Variants in GPATCH8 observed in about 807,000 individuals in gnomAD.
The protein encoded by GPATCH8 is G-patch domain containing 8.
In GPATCH8, 18 loss-of-function variants were observed where a neutral mutation model predicts 118.3. The ratio of observed to expected loss-of-function variants is 0.15; its 90% CI spans 0.11 to 0.23. The LOEUF (loss-of-function observed/expected upper bound fraction) is 0.23. Among genes scored for constraint, GPATCH8 ranks in the 10% least tolerant of loss-of-function variants. The pLI, the probability that GPATCH8 is intolerant of heterozygous loss-of-function variation, is 1.00. For missense variants in GPATCH8, 1,631 were observed against 1,873.8 expected (o/e 0.87, Z 2.39); for synonymous variants, 659 against 684.7 (o/e 0.96, Z 0.59).
intron 3 of GPATCH8, among the ~76,000 whole-genome samples, chr17:44,462,985 T>TATAAATAA (rs57126645): frequency 0.041 from 6,077 of 149,592 alleles, 178 homozygotes; most frequent in Middle Eastern, 0.062. Context: ...CACTTCAAAA[T>TATAAATAA]ATAAATAAAT....
chr17:44,410,086 C>A (rs1436224730), intron 6 of GPATCH8, among the ~76,000 whole-genome samples: 2 of 152,180 alleles, frequency 1.3e-5, no homozygotes, highest in African/African-American at 4.8e-5. Flanking sequence ...GCAAAAGATA[C>A]TGGCCAGAAA....
intron 1 of GPATCH8, among the ~76,000 whole-genome samples, chr17:44,492,216 G>A (rs1190141626): frequency 6.9e-6 from 1 of 145,910 alleles, no homozygotes; most frequent in Admixed American, 7.1e-5. Context: ...CAGGAGAATG[G>A]CGAGAACCTG....
At chr17:44,425,326 A>G (rs755633531) in intron 5 of GPATCH8, among the ~76,000 whole-genome samples, 3 of 152,200 alleles carry the variant, frequency 2.0e-5, no homozygotes, top group Non-Finnish European at 4.4e-5. Context: ...CTCAAAGACT[A>G]TATCTACAGT....
Position 44,399,477 on chromosome 17 carries a change from C to A in GPATCH8, c.2600G>T (p.Arg867Leu). ...ATCTGAGCTACTTGAGTAAGAACGC[C>A]GGGAGGAACGATGCGAGGAATGGCG... is the stretch of plus-strand genomic sequence containing the variant. ...GRRHSSHRSSRRSYSSSSDAS... is the reference protein window; with the variant it reads ...GRRHSSHRSSLRSYSSSSDAS... The change falls in exon 8 of 8, where the codon CGG (arginine) becomes CTG (leucine). Residue 867 changes from arginine (R) to leucine (L), a missense_variant. This residue lies in a region of GPATCH8 where 922 missense variants were observed against 879.7 expected (regional missense o/e 1.05). Coordinates refer to ENST00000591680, the MANE Select transcript of GPATCH8 (RefSeq NM_001002909.4). The A allele has an allele frequency of 6.2e-7, 1 of 1,614,164 alleles. No homozygotes were observed. Among genetic ancestry groups the A allele is most frequent in the Non-Finnish European group, 8.5e-7 (1 of 1,180,030 alleles).
chr17:44,404,204 C>G (rs1048135765), intron 7 of GPATCH8, among the ~76,000 whole-genome samples: 1 of 151,896 alleles, frequency 6.6e-6, no homozygotes, highest in African/African-American at 2.4e-5. Flanking sequence ...GTGCTGTGAT[C>G]ACAGCTCACT....
chr17:44,434,066 G>T (rs2050412708), intron 5 of GPATCH8, among the ~76,000 whole-genome samples: 1 of 151,896 alleles, frequency 6.6e-6, no homozygotes, highest in East Asian at 1.9e-4. Flanking sequence ...CTTGAACCCG[G>T]GAGCAGTGAG....
At chr17:44,461,708 G>A (rs542802245) in intron 3 of GPATCH8, among the ~76,000 whole-genome samples, 1 of 150,810 alleles carries the variant, frequency 6.6e-6, no homozygotes, top group Admixed American at 6.6e-5. Context: ...TTTCGTGTGT[G>A]TGTGAGACAG....
intron 5 of GPATCH8, 138 bp from the exon 6 acceptor site, chr17:44,424,630 T>G (rs574389562): frequency 1.4e-6 from 1 of 693,732 alleles, no homozygotes; most frequent in Non-Finnish European, 2.6e-6. Context: ...AAAAGCTGGA[T>G]GAAACACAAG....
chr17:44,455,274 G>T (rs1403225780), intron 3 of GPATCH8, among the ~76,000 whole-genome samples: 1 of 152,050 alleles, frequency 6.6e-6, no homozygotes, highest in African/African-American at 2.4e-5. Context: ...GGCCGAGGTG[G>T]GCAGATCACC....
In GPATCH8 at chr17:44,399,525, C is replaced by T. The variant is rs778732755; in HGVS notation, c.2552G>A (p.Arg851His). The T allele has an allele frequency of 8.7e-6, 14 of 1,614,080 alleles. No homozygotes were observed. Among genetic ancestry groups the T allele is most frequent in the South Asian group, 7.7e-5 (7 of 91,088 alleles). ...EEEDSGSEHSRSRSRSGRRHS... is the reference protein window; with the variant it reads ...EEEDSGSEHSHSRSRSGRRHS... ...GCGCCGGCCAGACCTTGAGCGGCTG[C>T]GGGAATGCTCACTGCCTGAATCTTC... is the stretch of plus-strand genomic sequence containing the variant. Residue 851 changes from arginine (R) to histidine (H), a missense_variant, in exon 8 of 8, where the codon CGC becomes CAC. By Grantham distance (29) the Arg-to-His change is conservative. Coordinates refer to ENST00000591680, the MANE Select transcript of GPATCH8 (RefSeq NM_001002909.4).
In GPATCH8 at chr17:44,503,389, C is replaced by G; in HGVS notation, c.-19G>C. 1 of 1,599,344 alleles carries G rather than the reference C, an allele frequency of 6.3e-7. No homozygotes were observed. The highest frequency in any genetic ancestry group is 8.5e-7 in the Non-Finnish European group (1 of 1,172,216). ...CCGCCATTTTGCCGCCTTCACTCCTCTCAGGACGACGCTCTCCGGTTCGCT... is the reference window on the plus strand; with the variant it reads ...CCGCCATTTTGCCGCCTTCACTCCTGTCAGGACGACGCTCTCCGGTTCGCT... On this transcript the variant is annotated 5_prime_UTR_variant, in exon 1 of 8. Coordinates refer to ENST00000591680, the MANE Select transcript of GPATCH8 (RefSeq NM_001002909.4).
chr17:44,435,411 C>T (rs891479372), intron 4 of GPATCH8, among the ~76,000 whole-genome samples: 24 of 99,726 alleles, frequency 2.4e-4, no homozygotes, highest in South Asian at 3.8e-4. Context: ...TCTTTCTTTC[C>T]TTTTTTTTTT....
intron 1 of GPATCH8, among the ~76,000 whole-genome samples, chr17:44,492,880 T>C (rs1969366138): frequency 6.6e-6 from 1 of 152,164 alleles, no homozygotes; most frequent in African/African-American, 2.4e-5. Context: ...TTTTGTCTTG[T>C]TTTCTTATCC....
intron 6 of GPATCH8, 77 bp downstream of exon 6, chr17:44,424,272 G>T (rs1598453780): frequency 2.1e-6 from 2 of 975,522 alleles, no homozygotes; most frequent in Non-Finnish European, 3.3e-6. Context: ...CCAAGTTTTG[G>T]GGGGTATACT....
chr17:44,398,718 C>G lies in GPATCH8; in HGVS notation c.3359G>C (p.Gly1120Ala), dbSNP rs1365292208. The G allele has an allele frequency of 1.9e-6, 3 of 1,606,120 alleles. No individual in the cohort carries two copies. Among genetic ancestry groups the G allele is most frequent in the Non-Finnish European group, 2.6e-6 (3 of 1,174,744 alleles). The change falls in exon 8 of 8, where the codon GGG becomes GCG. Residue 1120 changes from glycine (G) to alanine (A), a missense_variant. Around this residue, in one of 8 missense-constraint regions of GPATCH8, gnomAD observed 922 missense variants for 879.7 expected, o/e 1.05. Transcript: ENST00000591680. ...TTGTGGGGGGTCCTTGAGCTTGGGC[C>G]CAGCTTTATTAGGGGTGGCCTGCAC... ...EEVQATPNKA[G>A]PKLKDPPQGY...
chr17:44,449,578 G>A lies in GPATCH8; in HGVS notation c.194-13033C>T, dbSNP rs773015875. 7.2e-4 allele frequency among the ~76,000 whole-genome samples: 108 copies of A among 150,502 alleles called. 1 individual carries two copies. The highest frequency in any genetic ancestry group is 3.5e-3 in the Middle Eastern group (1 of 288). ...GTTGCCCAGGCTGGAGTGCAATGGC[G>A]TGATCTTGGCTCACCGCAACCTCCG... On this transcript the variant is annotated intron_variant, in intron 3 of 7. Transcript: ENST00000591680.
intron 1 of GPATCH8, among the ~76,000 whole-genome samples, chr17:44,477,152 CT>C (rs1280744956): frequency 3.9e-5 from 6 of 152,210 alleles, no homozygotes. Flanking sequence ...TAAATAAAAT[CT>C]AATGATGGGG....
chr17:44,422,729 C>T (rs1054632081), intron 6 of GPATCH8, among the ~76,000 whole-genome samples: 3 of 151,578 alleles, frequency 2.0e-5, no homozygotes, highest in South Asian at 2.1e-4. Context: ...CCGCCCGCCT[C>T]GGCCTCCCAA....
chr17:44,444,208 A>G (rs2050793775), intron 3 of GPATCH8, among the ~76,000 whole-genome samples: 1 of 151,770 alleles, frequency 6.6e-6, no homozygotes, highest in East Asian at 1.9e-4. Context: ...GATATCCTCA[A>G]GCCCTTAGAA....
Sources: gnomAD v4.1 joint callset for allele counts (sites outside exome capture counted in the v4.1 genomes callset) on GRCh38, gnomAD v4.1.1 for gene constraint, gnomAD v4.1.1 regional missense constraint, MANE v1.5 for transcripts, NCBI Gene and HGNC (gene_info 2026-07-23, HGNC 2026-07-21) for gene names.